Variants in CALCOCO1 observed in about 807,000 individuals in gnomAD.
CALCOCO1 encodes calcium binding and coiled-coil domain 1, also known as calcium-binding and coiled-coil domain-containing protein 1.
A neutral mutation model predicts 86.3 loss-of-function variants in CALCOCO1; 44 were observed. The ratio of observed to expected loss-of-function variants is 0.51; its 90% CI spans 0.40 to 0.66. CALCOCO1 has a LOEUF of 0.66. Among genes scored for constraint, CALCOCO1 ranks in the 30% least tolerant of loss-of-function variants. The probability of loss-of-function intolerance (pLI) is 0.00; values close to 1 mark genes in which losing one functional copy is unlikely to be tolerated. For missense variants in CALCOCO1, 708 were observed against 851.1 expected (o/e 0.83, Z 2.09); for synonymous variants, 297 against 327.6 (o/e 0.91, Z 1.01).
At chr12:53,715,401 C>T in intron 9 of CALCOCO1, 76 bp from the exon 10 acceptor site, 4 of 1,562,416 alleles carry the variant, frequency 2.6e-6, no homozygotes, top group Non-Finnish European at 3.5e-6. Flanking sequence ...CAGCACCATC[C>T]CTTACTGTGT....
At chr12:53,721,430 G>C in intron 6 of CALCOCO1, 37 bp downstream of exon 6, 1 of 1,552,058 alleles carries the variant, frequency 6.4e-7, no homozygotes, top group Non-Finnish European at 8.7e-7. Flanking sequence ...GGTCATGGAA[G>C]GGAGAGGAAG....
At chr12:53,713,076 C>T in intron 14 of CALCOCO1, 24 bp downstream of exon 14, 1 of 1,602,250 alleles carries the variant, frequency 6.2e-7, no homozygotes, top group Non-Finnish European at 8.6e-7. Flanking sequence ...CCACCTCCCT[C>T]CTGGCCTTGC....
chr12:53,714,044 G>T, intron 12 of CALCOCO1, 89 bp downstream of exon 12: 1 of 1,340,428 alleles, frequency 7.5e-7, no homozygotes. Flanking sequence ...AGAAGGCAAA[G>T]GCAGCTCCCA....
chr12:53,716,127 C>A (rs1166172680), intron 8 of CALCOCO1, 80 bp from the exon 9 acceptor site: 1 of 1,589,650 alleles, frequency 6.3e-7, no homozygotes, highest in African/African-American at 1.3e-5. Context: ...TCCCTCCACT[C>A]CACTGCATTA....
Position 53,711,765 on chromosome 12 carries a change from T to G in CALCOCO1, c.*179A>C, listed in dbSNP as rs1271008095. The G allele has an allele frequency of 5.8e-6, 3 of 520,048 alleles. No individual in the cohort carries two copies. Among genetic ancestry groups the G allele is most frequent in the Non-Finnish European group, 9.6e-6 (3 of 314,102 alleles). The allele number at this position is 520,048 out of a possible 1,614,324, so 32.2% of individuals were successfully genotyped here. A position where few individuals can be genotyped will look rare whatever the true frequency, so the allele number is the denominator to read the frequency against. On this transcript the variant is annotated 3_prime_UTR_variant, in exon 15 of 15. Coordinates refer to ENST00000550804, the MANE Select transcript of CALCOCO1 (RefSeq NM_020898.3). ...CCCTCCCTGGGACAAAAGAGCCAGG[T>G]AGGAGAGGATGAAGTGAGAAATCTT...
chr12:53,724,700 G>A lies in CALCOCO1; in HGVS notation c.204C>T (p.Ser68=), dbSNP rs761013474. ...AACCATCAGTTGTACTTTCAGGCAC[G>A]GAAGACCACACAAATGTGTGGTAAT... ...VRDYHTFVWS[S]VPESTTDGSP... The change falls in exon 3 of 15, where the codon TCC becomes TCT. Residue 68 remains serine (S), a synonymous_variant. Transcript: ENST00000550804. 15 of 1,613,796 alleles carry A rather than the reference G, an allele frequency of 9.3e-6. No individual in the cohort carries two copies. The highest frequency in any genetic ancestry group is 4.4e-5 in the South Asian group (4 of 91,004).
At chr12:53,721,421 G>T (rs1411982647) in intron 6 of CALCOCO1, 46 bp downstream of exon 6, 3 of 1,535,528 alleles carry the variant, frequency 2.0e-6, no homozygotes, top group Non-Finnish European at 2.6e-6. Flanking sequence ...GAGTGCGGGG[G>T]TCATGGAAGG....
At chr12:53,714,846 C>T (rs1945680741) in intron 10 of CALCOCO1, among the ~76,000 whole-genome samples, 153 bp from the exon 11 acceptor site, 1 of 152,162 alleles carries the variant, frequency 6.6e-6, no homozygotes, top group African/African-American at 2.4e-5. Context: ...CCCAACACTT[C>T]CTCCATGAGT....
intron 4 of CALCOCO1, among the ~76,000 whole-genome samples, chr12:53,723,195 C>A: frequency 6.6e-6 from 1 of 152,174 alleles, no homozygotes; most frequent in Non-Finnish European, 1.5e-5. Flanking sequence ...TTGGACAGTA[C>A]AGGTCTGGGG....
At chr12:53,724,861 TGAC>T (rs1945981598) in intron 2 of CALCOCO1, 114 bp from the exon 3 acceptor site, 1 of 893,012 alleles carries the variant, frequency 1.1e-6, no homozygotes. Context: ...GTGGCAACAA[TGAC>T]AAGAGAAAGG....
Position 53,714,669 on chromosome 12 carries a change from C to G in CALCOCO1, c.1411G>C (p.Glu471Gln). 6.2e-7 allele frequency: 1 copy of G among 1,613,888 alleles called. No individual in the cohort carries two copies. Among genetic ancestry groups the G allele is most frequent in the South Asian group, 1.1e-5 (1 of 91,078 alleles). Residue 471 changes from glutamate (E) to glutamine (Q), a missense_variant, in exon 11 of 15, where the codon GAG (glutamate) becomes CAG (glutamine). Glu to Gln is a conservative substitution (Grantham distance 29). Transcript: ENST00000550804. ...AGGGCTGACCGCAGCTCTGTCAGCT[C>G]CCGCTTACTTTCTGACAACTGTACC... ...SLVQLSESKR[E>Q]LTELRSALRV...
chr12:53,716,869 C>T (rs886561860), intron 7 of CALCOCO1, among the ~76,000 whole-genome samples: 2 of 152,150 alleles, frequency 1.3e-5, no homozygotes, highest in South Asian at 2.1e-4. Context: ...CTCTCCCTAG[C>T]GGCCCACAGA....
At chr12:53,712,855 ACATAGAAGC>A (rs1346729348) in intron 14 of CALCOCO1, 2 of 1,466,724 alleles carry the variant, frequency 1.4e-6, no homozygotes, top group Non-Finnish European at 1.8e-6. Context: ...TGCTAGAACA[ACATAGAAGC>A]CAGTTAAAGG....
chr12:53,718,839 CCTT>C (rs1945795616), intron 7 of CALCOCO1, among the ~76,000 whole-genome samples: 6 of 147,894 alleles, frequency 4.1e-5, no homozygotes, highest in Admixed American at 2.7e-4. Flanking sequence ...CATGGCCCTC[CCTT>C]TTTTTTTTTT....
At chr12:53,714,001 G>A (rs1945657115) in intron 12 of CALCOCO1, 101 bp from the exon 13 acceptor site, 5 of 1,319,624 alleles carry the variant, frequency 3.8e-6, no homozygotes, top group Non-Finnish European at 3.2e-6. Flanking sequence ...CTAAACAGGG[G>A]CCAGGGTCTG....
chr12:53,717,374 C>A (rs1252048007), intron 7 of CALCOCO1, among the ~76,000 whole-genome samples: 1 of 152,178 alleles, frequency 6.6e-6, no homozygotes, highest in East Asian at 1.9e-4. Flanking sequence ...GCCATAAGTA[C>A]AGTACACGTC....
rs1316083800 is a variant in CALCOCO1 at position 53,725,403 on chromosome 12, AC to A, written c.-24-138del. Reference sequence around the variant, plus strand: ...ACCTGGTTTCTAGTCCCTGAGGGTTACGGGACATTTTTGAGGTATCACTCTT... The same window carrying A: ...ACCTGGTTTCTAGTCCCTGAGGGTTAGGGACATTTTTGAGGTATCACTCTT... On this transcript the variant is annotated intron_variant, in intron 1 of 14. Coordinates refer to ENST00000550804, the MANE Select transcript of CALCOCO1 (RefSeq NM_020898.3). 6.9e-6 allele frequency: 4 copies of A among 582,436 alleles called. No homozygotes were observed. The African/African-American group carries it at 7.8e-5, about 11-fold the overall frequency. 36.1% of individuals were successfully genotyped at this position (582,436 alleles called of 1,614,324 possible). A position where few individuals can be genotyped will look rare whatever the true frequency, so the allele number is the denominator to read the frequency against.
At chr12:53,727,321 C>T (rs915544394) in intron 1 of CALCOCO1, 83 bp downstream of exon 1, 1 of 152,224 alleles carries the variant, frequency 6.6e-6, no homozygotes, top group Non-Finnish European at 1.5e-5. Context: ...CGACAGTTCC[C>T]TTACGTTATC....
chr12:53,716,920 C>T (rs1364145145), intron 7 of CALCOCO1, among the ~76,000 whole-genome samples: 7 of 152,226 alleles, frequency 4.6e-5, no homozygotes, highest in African/African-American at 7.2e-5. Flanking sequence ...GCCATTTTCC[C>T]TTCTCTATTA....
Sources: gnomAD v4.1 joint callset for allele counts (sites outside exome capture counted in the v4.1 genomes callset) on GRCh38, gnomAD v4.1.1 for gene constraint, MANE v1.5 for transcripts, NCBI Gene and HGNC (gene_info 2026-07-23, HGNC 2026-07-21) for gene names.